The following AKR1C3 variants were observed in gnomAD, a reference collection of about 807,000 sequenced individuals.
The protein encoded by AKR1C3 is aldo-keto reductase family 1 member C3.
A neutral mutation model predicts 43.6 loss-of-function variants in AKR1C3; 48 were observed. The observed-to-expected ratio is 1.10, with a 90% CI of 0.87 to 1.40. The LOEUF (loss-of-function observed/expected upper bound fraction) is 1.40, where lower values mean the gene tolerates loss of function less well. AKR1C3 is among the 40% of genes most tolerant of loss of function. The pLI is 0.00. For missense variants in AKR1C3, 482 were observed against 391.2 expected (o/e 1.23, Z -1.96); for synonymous variants, 162 against 139.6 (o/e 1.16, Z -1.13).
chr10:5,094,811 G>T (rs1276526924), intron 1 of AKR1C3, among the ~76,000 whole-genome samples: 1 of 152,142 alleles, frequency 6.6e-6, no homozygotes, highest in African/African-American at 2.4e-5. Context: ...GAAGAACACT[G>T]TTGGTCATCT....
chr10:5,058,142 G>T (rs1588331689), intron 1 of AKR1C3, among the ~76,000 whole-genome samples: 1 of 152,242 alleles, frequency 6.6e-6, no homozygotes, highest in East Asian at 1.9e-4. Context: ...GAGGTTAGAG[G>T]AGGATTATCA....
intron 1 of AKR1C3, among the ~76,000 whole-genome samples, chr10:5,078,917 C>T (rs1554782106): frequency 6.6e-6 from 1 of 152,156 alleles, no homozygotes; most frequent in Non-Finnish European, 1.5e-5. Context: ...AGACATTTCT[C>T]CTCCACCTTC....
At chr10:5,104,639 T>C (rs1166292075) in intron 7 of AKR1C3, among the ~76,000 whole-genome samples, 1 of 152,182 alleles carries the variant, frequency 6.6e-6, no homozygotes, top group Non-Finnish European at 1.5e-5. Flanking sequence ...CTTTGGTTGA[T>C]ATTGTATTGA....
chr10:5,094,285 C>A, upstream of AKR1C3: 2 of 595,288 alleles, frequency 3.4e-6, no homozygotes, highest in East Asian at 4.5e-5. Context: ...CAATTTTCTC[C>A]ACAGACCATA....
chr10:5,052,369 G>A (rs533288063), intron 1 of AKR1C3, among the ~76,000 whole-genome samples: 1 of 152,322 alleles, frequency 6.6e-6, no homozygotes, highest in Admixed American at 6.5e-5. Flanking sequence ...CAGTGTGGAA[G>A]GGGACCTGAG....
intron 1 of AKR1C3, chr10:5,081,654 A>G (rs1838839257): frequency 6.6e-6 from 1 of 152,226 alleles, no homozygotes; most frequent in Admixed American, 6.5e-5. Flanking sequence ...AATATTGTTC[A>G]CTAATCCTGA....
Position 5,086,198 on chromosome 10 carries a change from G to C in AKR1C3, c.85-10212G>C, listed in dbSNP as rs1476466983. ...GTCAGTTTTACATCTTTCCTGCTTT[G>C]TCTTGTGGGCATTTAGTGCTATAAA... On this transcript the variant is annotated intron_variant, in intron 1 of 8. Coordinates refer to the AKR1C3 transcript ENST00000439082. Among the ~76,000 whole-genome samples, 10 of 151,602 alleles carry C rather than the reference G, an allele frequency of 6.6e-5. No homozygotes were observed. The South Asian group carries it at 1.7e-3, about 25-fold the overall frequency.
At chr10:5,072,639 C>G (rs1838635361) in intron 1 of AKR1C3, among the ~76,000 whole-genome samples, 1 of 152,166 alleles carries the variant, frequency 6.6e-6, no homozygotes, top group African/African-American at 2.4e-5. Flanking sequence ...TTACTCCAAG[C>G]TACAACTGCC....
At chr10:5,092,394 C>T (rs1839113036), upstream of AKR1C3, among the ~76,000 whole-genome samples, 1 of 151,734 alleles carries the variant, frequency 6.6e-6, no homozygotes, top group Non-Finnish European at 1.5e-5. Context: ...TAGGCTCCTG[C>T]TTCTCCTTCT....
rs553669169 is a variant in AKR1C3 at position 5,084,269 on chromosome 10, G to T, written c.85-12141G>T. 6.3e-4 allele frequency among the ~76,000 whole-genome samples: 96 copies of T among 151,614 alleles called. No homozygotes were observed. In the South Asian group the frequency reaches 0.02, roughly 31 times the overall value. On this transcript the variant is annotated intron_variant, in intron 1 of 8. Transcript: ENST00000439082. Reference sequence around the variant, plus strand: ...GATTTTTGTATAAGGTGTAAGGAATGGATCCAGTTTCAGCTTTCTACATGT... The same window carrying T: ...GATTTTTGTATAAGGTGTAAGGAATTGATCCAGTTTCAGCTTTCTACATGT...
chr10:5,076,363 G>A (rs782394667), intron 1 of AKR1C3, among the ~76,000 whole-genome samples: 14 of 151,846 alleles, frequency 9.2e-5, no homozygotes, highest in South Asian at 2.1e-4. Context: ...GTTAGTTATC[G>A]GAGATTGAAA....
chr10:5,068,189 GA>G (rs2131799300), intron 1 of AKR1C3, among the ~76,000 whole-genome samples: 1 of 152,118 alleles, frequency 6.6e-6, no homozygotes. Flanking sequence ...AATTATAGTT[GA>G]TGGCATATAA....
At chr10:5,101,385 T>C (rs148007686) in intron 5 of AKR1C3, among the ~76,000 whole-genome samples, 45 of 152,312 alleles carry the variant, frequency 3.0e-4, no homozygotes, top group Admixed American at 2.9e-3. Flanking sequence ...AAACCTTATT[T>C]AACTATTCTT....
intron 1 of AKR1C3, among the ~76,000 whole-genome samples, chr10:5,051,309 C>A (rs1203576049): frequency 1.3e-5 from 2 of 152,178 alleles, no homozygotes; most frequent in Non-Finnish European, 2.9e-5. Context: ...GTTGGTCAGA[C>A]TGGTCTCAAA....
chr10:5,058,457 T>C (rs1554779858), intron 1 of AKR1C3, among the ~76,000 whole-genome samples: 1 of 152,160 alleles, frequency 6.6e-6, no homozygotes, highest in Non-Finnish European at 1.5e-5. Context: ...GTGGGTCAAA[T>C]TGGTCCCAAT....
chr10:5,052,278 TAC>T (rs1375198619), intron 1 of AKR1C3, among the ~76,000 whole-genome samples: 1 of 152,150 alleles, frequency 6.6e-6, no homozygotes, highest in African/African-American at 2.4e-5. Context: ...TTCATGGTGT[TAC>T]AGCTCATAAA....
At chr10:5,095,395 G>A (rs1839182238) in intron 1 of AKR1C3, among the ~76,000 whole-genome samples, 1 of 151,324 alleles carries the variant, frequency 6.6e-6, no homozygotes, top group South Asian at 2.1e-4. Flanking sequence ...GCATGGGCAG[G>A]AAATGAAAAT....
intron 1 of AKR1C3, among the ~76,000 whole-genome samples, chr10:5,057,801 G>C (rs550269641): frequency 5.9e-5 from 9 of 152,272 alleles, no homozygotes; most frequent in Non-Finnish European, 1.2e-4. Context: ...TACTGACTAA[G>C]ATACCACATA....
upstream of AKR1C3, among the ~76,000 whole-genome samples, chr10:5,089,958 T>C (rs575899464): frequency 2.6e-5 from 4 of 152,294 alleles, no homozygotes; most frequent in East Asian, 1.9e-4. Context: ...TAGAGTGTCA[T>C]GAGTAGTGTA....
Sources: gnomAD v4.1 joint callset for allele counts (sites outside exome capture counted in the v4.1 genomes callset) on GRCh38, gnomAD v4.1.1 for gene constraint, MANE v1.5 for transcripts, NCBI Gene and HGNC (gene_info 2026-07-23, HGNC 2026-07-21) for gene names.